The following ASTN2 variants were observed in gnomAD, a reference collection of about 807,000 sequenced individuals.
ASTN2 encodes the protein astrotactin 2.
In ASTN2, 54 loss-of-function variants were observed where a neutral mutation model predicts 139.8. The observed-to-expected ratio is 0.39, with a 90% CI of 0.31 to 0.48. The LOEUF (loss-of-function observed/expected upper bound fraction) is 0.48. ASTN2 is among the 20% of genes least tolerant of loss of function. The probability of loss-of-function intolerance (pLI) is 0.95; values close to 1 mark genes in which losing one functional copy is unlikely to be tolerated. For missense variants in ASTN2, 1,565 were observed against 1,725.1 expected, an observed-to-expected ratio of 0.91 and a Z score of 1.64; for synonymous variants, 756 against 719.5, an observed-to-expected ratio of 1.05 and a Z score of -0.81.
chr9:116,750,543 ACT>A (rs71379224), intron 13 of ASTN2, among the ~76,000 whole-genome samples: 20 of 150,618 alleles, frequency 1.3e-4, no homozygotes, highest in East Asian at 5.9e-4. Flanking sequence ...TTCCTTGTTC[ACT>A]CTCTCTCTCT....
intron 10 of ASTN2, among the ~76,000 whole-genome samples, chr9:116,918,693 T>C (rs1435022470): frequency 2.0e-5 from 3 of 152,220 alleles, no homozygotes; most frequent in Non-Finnish European, 2.9e-5. Context: ...ACACGGACTA[T>C]TATGCAGCTA....
At chr9:116,870,201 G>A (rs1833125398) in intron 10 of ASTN2, among the ~76,000 whole-genome samples, 1 of 152,140 alleles carries the variant, frequency 6.6e-6, no homozygotes, top group Non-Finnish European at 1.5e-5. Flanking sequence ...TGTTTTAGGT[G>A]TGAAAACCCT....
intron 3 of ASTN2, among the ~76,000 whole-genome samples, chr9:117,141,963 A>G (rs1214015028): frequency 1.3e-5 from 2 of 152,224 alleles, no homozygotes; most frequent in African/African-American, 4.8e-5. Flanking sequence ...AAGATGAGTA[A>G]GAATTAGTAA....
intron 5 of ASTN2, 72 bp downstream of exon 5, chr9:117,095,972 G>A (rs1828830317): frequency 4.2e-6 from 6 of 1,426,808 alleles, no homozygotes; most frequent in South Asian, 2.3e-5. Flanking sequence ...ATTTGCTAGT[G>A]AACACAAAAT....
At chr9:116,953,858 G>T (rs1835634371) in intron 10 of ASTN2, among the ~76,000 whole-genome samples, 1 of 152,182 alleles carries the variant, frequency 6.6e-6, no homozygotes, top group Non-Finnish European at 1.5e-5. Context: ...CAGAGCTGTA[G>T]CTCAATCTGT....
intron 19 of ASTN2, among the ~76,000 whole-genome samples, chr9:116,579,633 C>T (rs10114809): frequency 0.023 from 3,437 of 152,240 alleles, 132 homozygotes; most frequent in African/African-American, 0.078. Flanking sequence ...GTAGACCCAG[C>T]GGCTTGAGAG....
intron 11 of ASTN2, among the ~76,000 whole-genome samples, chr9:116,851,479 T>TATCTATCTACCCATCC (rs1554754223): frequency 2.0e-5 from 1 of 50,188 alleles, no homozygotes; most frequent in African/African-American, 8.9e-5. Flanking sequence ...AACATCTATC[T>TATCTATCTACCCATCC]ATCTATCTAT....
chr9:117,409,680 G>A (rs2130978443), intron 1 of ASTN2, among the ~76,000 whole-genome samples: 1 of 152,320 alleles, frequency 6.6e-6, no homozygotes, highest in South Asian at 2.1e-4. Flanking sequence ...CTGCCACACA[G>A]GCTGGAGTGC....
chr9:117,251,109 T>C (rs1306813922), intron 2 of ASTN2, among the ~76,000 whole-genome samples: 1 of 152,088 alleles, frequency 6.6e-6, no homozygotes, highest in Non-Finnish European at 1.5e-5. Context: ...GCATCCTCGC[T>C]TTGCAGAGGA....
At chr9:116,669,733 T>C (rs548843303) in intron 16 of ASTN2, among the ~76,000 whole-genome samples, 1 of 152,150 alleles carries the variant, frequency 6.6e-6, no homozygotes, top group African/African-American at 2.4e-5. Flanking sequence ...TCTCATTATC[T>C]TGACATTGTC....
intron 16 of ASTN2, among the ~76,000 whole-genome samples, chr9:116,684,391 T>C (rs1368502322): frequency 6.6e-6 from 1 of 152,168 alleles, no homozygotes; most frequent in Admixed American, 6.5e-5. Context: ...AGGAAACCTA[T>C]TGTTAGCTGT....
At chr9:116,664,490 C>G (rs964470125) in intron 16 of ASTN2, among the ~76,000 whole-genome samples, 1 of 150,040 alleles carries the variant, frequency 6.7e-6, no homozygotes, top group Non-Finnish European at 1.5e-5. Flanking sequence ...ACAGGTTACC[C>G]AAACCTAACA....
chr9:116,437,909 C>A (rs773218935), intron 22 of ASTN2, among the ~76,000 whole-genome samples: 3 of 152,150 alleles, frequency 2.0e-5, no homozygotes, highest in Non-Finnish European at 4.4e-5. Flanking sequence ...ATCTCTGTCC[C>A]TGAGAGCCTC....
At chr9:116,957,205 TTC>T (rs1231825787) in intron 10 of ASTN2, among the ~76,000 whole-genome samples, 1 of 152,148 alleles carries the variant, frequency 6.6e-6, no homozygotes, top group Non-Finnish European at 1.5e-5. Context: ...CAGTCTCTCT[TTC>T]TCTCTACGAA....
At chr9:117,404,718 C>T (rs929003916) in intron 1 of ASTN2, among the ~76,000 whole-genome samples, 4 of 152,010 alleles carry the variant, frequency 2.6e-5, no homozygotes, top group East Asian at 1.9e-4. Flanking sequence ...CTCCAGACAC[C>T]CTGATCATTT....
intron 11 of ASTN2, among the ~76,000 whole-genome samples, chr9:116,847,257 A>G (rs1391066426): frequency 6.6e-6 from 1 of 152,144 alleles, no homozygotes; most frequent in Non-Finnish European, 1.5e-5. Context: ...CTGGGACTAC[A>G]GGCACACACC....
intron 13 of ASTN2, among the ~76,000 whole-genome samples, chr9:116,782,220 G>A (rs7025521): frequency 0.02 from 2,999 of 152,202 alleles, 103 homozygotes; most frequent in African/African-American, 0.068. Flanking sequence ...CAATCACTGT[G>A]GAGTTTTATT....
chr9:117,106,937 T>C (rs1279259171), intron 4 of ASTN2, among the ~76,000 whole-genome samples: 1 of 152,190 alleles, frequency 6.6e-6, no homozygotes, highest in East Asian at 1.9e-4. Context: ...ACATCTAGAT[T>C]TATATGTACA....
chr9:117,323,881 T>C (rs1301122327), intron 1 of ASTN2, among the ~76,000 whole-genome samples: 2 of 152,200 alleles, frequency 1.3e-5, no homozygotes, highest in Non-Finnish European at 2.9e-5. Context: ...GAGTTAAATC[T>C]ACATCTGTGT....
Sources: allele counts gnomAD v4.1 joint callset (sites outside exome capture counted in the v4.1 genomes callset), GRCh38; gene constraint gnomAD v4.1.1; transcripts MANE v1.5; gene names NCBI Gene and HGNC (gene_info 2026-07-23, HGNC 2026-07-21).